GLDC: variants seen among roughly 807,000 people sequenced by gnomAD.
The protein encoded by GLDC is glycine decarboxylase.
A neutral mutation model predicts 121.3 loss-of-function variants in GLDC; 104 were observed. The ratio of observed to expected loss-of-function variants is 0.86; its 90% CI spans 0.73 to 1.01. The LOEUF (loss-of-function observed/expected upper bound fraction) is 1.01. GLDC is among the 50% of genes least tolerant of loss of function. The probability of loss-of-function intolerance (pLI) is 0.00; values close to 1 mark genes in which losing one functional copy is unlikely to be tolerated. For missense variants in GLDC, 1,429 were observed against 1,306.6 expected (o/e 1.09, Z -1.44); for synonymous variants, 546 against 480.6 (o/e 1.14, Z -1.78).
intron 2 of GLDC, among the ~76,000 whole-genome samples, chr9:6,642,024 C>T (rs756230843): frequency 3.3e-5 from 5 of 152,202 alleles, no homozygotes; most frequent in African/African-American, 7.2e-5. Flanking sequence ...CACCATGACA[C>T]GTGCACACCT....
chr9:6,644,614 A>C lies in GLDC; in HGVS notation c.334T>G (p.Cys112Gly), dbSNP rs1195908625. 1 of 1,607,574 alleles carries C rather than the reference A, an allele frequency of 6.2e-7. No individual in the cohort carries two copies. The highest frequency in any genetic ancestry group is 8.5e-7 in the Non-Finnish European group (1 of 1,174,182). The change falls in exon 2 of 25, where the codon TGT becomes GGT. Residue 112 changes from cysteine to glycine, a missense_variant and splice_region_variant. Physicochemically the swap from Cys to Gly is radical, Grantham distance 159 (BLOSUM62 -3). Transcript: ENST00000321612. Reference sequence around the variant, plus strand: ...CAAGGGAGCCCTCCCGGCCACTTACAAACAGGGTCTTCCATTTTCAAGGGT... The same window carrying C: ...CAAGGGAGCCCTCCCGGCCACTTACCAACAGGGTCTTCCATTTTCAAGGGT... The part of the protein sequence containing the change: ...KRPLKMEDPV[C>G]ENEILATLHA...
chr9:6,565,473 C>T lies in GLDC; in HGVS notation c.1851-44G>A, dbSNP rs557900645. ...AAGGGATCACGGTTAGGTCTTCTGG[C>T]TTTCATTTACTCATTCAATATTTAT... is the stretch of plus-strand genomic sequence containing the variant. On this transcript the variant is annotated intron_variant, in intron 15 of 24. Coordinates refer to ENST00000321612, the MANE Select transcript of GLDC (RefSeq NM_000170.3). 54 of 1,406,458 alleles carry T rather than the reference C, an allele frequency of 3.8e-5. No homozygotes were observed. In the African/African-American group the frequency reaches 6.2e-4, roughly 16 times the overall value. The allele number at this position is 1,406,458 out of a possible 1,614,324, so 87.1% of individuals were successfully genotyped here.
intron 21 of GLDC, among the ~76,000 whole-genome samples, chr9:6,545,514 G>C (rs1224400930): frequency 1.3e-5 from 2 of 152,220 alleles, no homozygotes; most frequent in Non-Finnish European, 2.9e-5. Flanking sequence ...AGTGAGTGGT[G>C]AGTGAACGGG....
rs1817659694 is a variant in GLDC, at chr9:6,557,506, AT to A, written c.2052+1052del. 3.3e-5 allele frequency among the ~76,000 whole-genome samples: 5 copies of A among 152,122 alleles called. No individual in the cohort carries two copies. In the South Asian group the frequency reaches 1.0e-3, roughly 32 times the overall value. ...CTAATCAGGAGGCTGAGGCAGGAGAATTGCTTGAACCCGGGAGGCGGAGGTT... is the reference window on the plus strand; with the variant it reads ...CTAATCAGGAGGCTGAGGCAGGAGAATGCTTGAACCCGGGAGGCGGAGGTT... On this transcript the variant is annotated intron_variant, in intron 17 of 24. Transcript: ENST00000321612.
At chr9:6,556,354 C>T (rs927805223) in intron 17 of GLDC, 52 bp from the exon 18 acceptor site, 12 of 1,472,102 alleles carry the variant, frequency 8.2e-6, no homozygotes, top group Non-Finnish European at 1.1e-5. Flanking sequence ...ATGTTTCTTT[C>T]TTGGCCAAAT....
chr9:6,619,213 A>C (rs1345050024), intron 3 of GLDC, among the ~76,000 whole-genome samples: 1 of 151,260 alleles, frequency 6.6e-6, no homozygotes, highest in Non-Finnish European at 1.5e-5. Flanking sequence ...TGTTGAGGTA[A>C]GACTGGAATA....
intron 8 of GLDC, among the ~76,000 whole-genome samples, chr9:6,600,207 T>G (rs1192623146): frequency 1.3e-5 from 2 of 151,974 alleles, no homozygotes; most frequent in African/African-American, 2.4e-5. Flanking sequence ...CTACAAAACA[T>G]TTTTTTGAAA....
At chr9:6,615,471 A>C (rs1818950297) in intron 3 of GLDC, among the ~76,000 whole-genome samples, 1 of 151,648 alleles carries the variant, frequency 6.6e-6, no homozygotes, top group South Asian at 2.1e-4. Flanking sequence ...AGTCCCACCT[A>C]CTCAGGAGGC....
chr9:6,622,881 C>T (rs1026720535), intron 2 of GLDC: 3 of 206,682 alleles, frequency 1.5e-5, no homozygotes, highest in South Asian at 5.9e-5. Context: ...GTGGGGAGCG[C>T]CTCTGCCCCG....
intron 3 of GLDC, among the ~76,000 whole-genome samples, chr9:6,615,091 T>C (rs1183032055): frequency 6.6e-6 from 1 of 152,180 alleles, no homozygotes; most frequent in Non-Finnish European, 1.5e-5. Flanking sequence ...CTCTAGCCAA[T>C]ATCTCTTGCC....
At chr9:6,545,888 G>T (rs888476202) in intron 21 of GLDC, among the ~76,000 whole-genome samples, 1 of 152,094 alleles carries the variant, frequency 6.6e-6, no homozygotes, top group African/African-American at 2.4e-5. Context: ...TGATCTGCCC[G>T]CCTCAGCCTT....
intron 8 of GLDC, among the ~76,000 whole-genome samples, chr9:6,600,553 C>G (rs151187553): frequency 6.6e-6 from 1 of 152,088 alleles, no homozygotes; most frequent in East Asian, 1.9e-4. Context: ...GCCTGTAATT[C>G]CAGCTCTTTA....
chr9:6,590,110 G>T (rs770073016), intron 11 of GLDC, among the ~76,000 whole-genome samples: 1 of 151,756 alleles, frequency 6.6e-6, no homozygotes, highest in Non-Finnish European at 1.5e-5. Context: ...TCTGGCAATG[G>T]TTTCTTAAAT....
At chr9:6,564,158 G>T (rs1189719763) in intron 16 of GLDC, among the ~76,000 whole-genome samples, 2 of 151,636 alleles carry the variant, frequency 1.3e-5, no homozygotes, top group Non-Finnish European at 2.9e-5. Flanking sequence ...TGAGGCACAA[G>T]AATCGCTTGA....
At chr9:6,615,804 G>C (rs1341059386) in intron 3 of GLDC, among the ~76,000 whole-genome samples, 2 of 152,120 alleles carry the variant, frequency 1.3e-5, no homozygotes, top group Non-Finnish European at 2.9e-5. Flanking sequence ...TGTAGAGATA[G>C]GGTTTTGCCA....
intron 11 of GLDC, among the ~76,000 whole-genome samples, chr9:6,590,229 G>C (rs1818350080): frequency 6.6e-6 from 1 of 152,080 alleles, no homozygotes; most frequent in African/African-American, 2.4e-5. Flanking sequence ...AAAGTTAAGA[G>C]ACTGACTACC....
At chr9:6,635,892 T>C (rs1046569460) in intron 2 of GLDC, among the ~76,000 whole-genome samples, 6 of 151,684 alleles carry the variant, frequency 4.0e-5, no homozygotes, top group Non-Finnish European at 4.4e-5. Flanking sequence ...ATAAATAAAA[T>C]AAAATAAAAA....
intron 2 of GLDC, among the ~76,000 whole-genome samples, chr9:6,634,077 G>A (rs917460109): frequency 3.3e-5 from 5 of 151,770 alleles, no homozygotes; most frequent in South Asian, 2.1e-4. Context: ...TGATCCACCC[G>A]CCTCAGCCTC....
intron 20 of GLDC, 47 bp from the exon 21 acceptor site, chr9:6,550,961 C>T (rs753451900): frequency 9.4e-6 from 12 of 1,270,034 alleles, no homozygotes; most frequent in Middle Eastern, 1.8e-4. Context: ...CAGGCAAACA[C>T]GAATGTGAAG....
Sources: allele counts gnomAD v4.1 joint callset (sites outside exome capture counted in the v4.1 genomes callset), GRCh38; gene constraint gnomAD v4.1.1; transcripts MANE v1.5; gene names NCBI Gene and HGNC (gene_info 2026-07-23, HGNC 2026-07-21).